The following AFMID variants were observed in gnomAD, a reference collection of about 807,000 sequenced individuals.
AFMID encodes the protein arylformamidase, also known as kynurenine formamidase.
Under a neutral mutation model 47.5 loss-of-function variants are expected in AFMID, and 39 were observed. The ratio of observed to expected loss-of-function variants is 0.82; its 90% CI spans 0.64 to 1.07. The LOEUF is 1.07. AFMID is among the 50% of genes least tolerant of loss of function. The pLI is 0.00. For missense variants in AFMID, 375 were observed against 387.5 expected (o/e 0.97, Z 0.27); for synonymous variants, 130 against 153.2 (o/e 0.85, Z 1.12).
chr17:78,199,657 G>GC (rs2076199040), intron 2 of AFMID, among the ~76,000 whole-genome samples: 1 of 135,410 alleles, frequency 7.4e-6, no homozygotes, highest in Admixed American at 7.3e-5. Flanking sequence ...GCAGGTGTGC[G>GC]CCGCCGCGCC....
intron 2 of AFMID, among the ~76,000 whole-genome samples, chr17:78,196,651 C>G (rs8066979): frequency 0.17 from 25,579 of 152,004 alleles, 3,755 homozygotes; most frequent in African/African-American, 0.37. Flanking sequence ...TGCACTCCAG[C>G]CTGGGCAACA....
At chr17:78,193,167 C>T (rs1045756082) in intron 2 of AFMID, among the ~76,000 whole-genome samples, 7 of 151,426 alleles carry the variant, frequency 4.6e-5, no homozygotes, top group Admixed American at 3.3e-4. Flanking sequence ...GTCAGGAGAT[C>T]GAGACCATCC....
intron 10 of AFMID, 109 bp downstream of exon 10, chr17:78,206,159 A>C: frequency 1.2e-6 from 1 of 860,636 alleles, no homozygotes; most frequent in Non-Finnish European, 1.9e-6. Flanking sequence ...AACATGGAGA[A>C]ACTCCGTGTC....
intron 9 of AFMID, 62 bp from the exon 10 acceptor site, chr17:78,205,884 A>C: frequency 6.3e-7 from 1 of 1,591,032 alleles, no homozygotes; most frequent in Admixed American, 1.7e-5. Flanking sequence ...GCATGGCCCC[A>C]TGTCCTGCCC....
chr17:78,192,973 G>T (rs549658818), intron 2 of AFMID, among the ~76,000 whole-genome samples: 6 of 152,098 alleles, frequency 3.9e-5, no homozygotes, highest in Non-Finnish European at 5.9e-5. Flanking sequence ...CAATAGATTG[G>T]GGGGGAGCTG....
chr17:78,189,832 T>G (rs960698949), intron 1 of AFMID, among the ~76,000 whole-genome samples: 11 of 136,438 alleles, frequency 8.1e-5, no homozygotes, highest in Non-Finnish European at 1.4e-4. Flanking sequence ...TTCTGTTGGT[T>G]TTTTTTTTTT....
rs1294175020 is a variant in AFMID, at chr17:78,205,673, G to A, written c.715G>A (p.Val239Met). The change falls in exon 9 of 11, where the codon GTG becomes ATG. Residue 239 changes from valine (V) to methionine (M), a missense_variant. Physicochemically the swap from Val to Met is conservative, Grantham distance 21. Coordinates refer to ENST00000409257, the MANE Select transcript of AFMID (RefSeq NM_001010982.5). ...ACAGCCGGTGGACCCCACCTGCCGT[G>A]TGCTGGTGGTCGTGGGCCAGTTCGA... ...QAQPVDPTCR[V>M]LVVVGQFDSP... 3.1e-6 allele frequency: 5 copies of A among 1,613,336 alleles called. 1 individual carries two copies. In the Admixed American group the frequency reaches 5.0e-5, roughly 16 times the overall value.
chr17:78,201,249 G>A (rs1249253972), intron 2 of AFMID, among the ~76,000 whole-genome samples: 2 of 144,238 alleles, frequency 1.4e-5, no homozygotes, highest in African/African-American at 5.0e-5. Flanking sequence ...AGCCAAGATG[G>A]CACCACTGCA....
chr17:78,197,625 G>A (rs1418181310), intron 2 of AFMID: 1 of 187,642 alleles, frequency 5.3e-6, no homozygotes. Context: ...ATGGATGTGA[G>A]CGTGTTATAA....
At chr17:78,192,809 T>G in intron 2 of AFMID, 1 of 337,602 alleles carries the variant, frequency 3.0e-6, no homozygotes, top group East Asian at 9.1e-5. Flanking sequence ...CAACCATGCT[T>G]GGCAAATTAG....
At chr17:78,189,833 T>G (rs1270738697) in intron 1 of AFMID, among the ~76,000 whole-genome samples, 1 of 147,048 alleles carries the variant, frequency 6.8e-6, no homozygotes, top group African/African-American at 2.5e-5. Context: ...TCTGTTGGTT[T>G]TTTTTTTTTT....
intron 1 of AFMID, 36 bp from the exon 2 acceptor site, chr17:78,190,934 G>A (rs756424979): frequency 1.3e-6 from 2 of 1,598,780 alleles, no homozygotes; most frequent in Admixed American, 1.7e-5. Flanking sequence ...TGTTGAGAAG[G>A]AAAGTCTTAC....
At chr17:78,199,762 C>G (rs2076202699) in intron 2 of AFMID, among the ~76,000 whole-genome samples, 1 of 152,212 alleles carries the variant, frequency 6.6e-6, no homozygotes, top group South Asian at 2.1e-4. Flanking sequence ...CACGTTAATA[C>G]ACGGAGCCCT....
intron 4 of AFMID, 180 bp downstream of exon 4, chr17:78,202,931 T>A (rs1461079478): frequency 1.4e-6 from 1 of 738,116 alleles, no homozygotes; most frequent in East Asian, 2.7e-5. Context: ...CTAGGGAGGG[T>A]CCTTCCTGCC....
intron 2 of AFMID, among the ~76,000 whole-genome samples, chr17:78,199,710 G>C (rs773650720): frequency 5.3e-5 from 8 of 152,142 alleles, no homozygotes; most frequent in Non-Finnish European, 7.4e-5. Flanking sequence ...GGCCACCAAG[G>C]CTGGGGACCA....
At chr17:78,187,602 C>T (rs558192561) in intron 1 of AFMID, among the ~76,000 whole-genome samples, 169 bp downstream of exon 1, 8 of 152,090 alleles carry the variant, frequency 5.3e-5, no homozygotes, top group African/African-American at 1.9e-4. Flanking sequence ...TGTATTTTAC[C>T]TTCTCCTAAG....
At chr17:78,193,319 C>A (rs983197949) in intron 2 of AFMID, among the ~76,000 whole-genome samples, 1 of 139,512 alleles carries the variant, frequency 7.2e-6, no homozygotes, top group Non-Finnish European at 1.5e-5. Context: ...TGCAGTGAGC[C>A]GGGATCGCGC....
intron 2 of AFMID, among the ~76,000 whole-genome samples, chr17:78,200,151 G>T (rs528336133): frequency 2.0e-5 from 3 of 151,918 alleles, no homozygotes; most frequent in South Asian, 2.1e-4. Context: ...TTTTGTTTTG[G>T]TTTGGTTTGG....
At chr17:78,197,148 T>G in intron 2 of AFMID, 1 of 1,550,314 alleles carries the variant, frequency 6.5e-7, no homozygotes, top group Non-Finnish European at 8.7e-7. Context: ...ATTTATAGGC[T>G]TGAGAACTCC....
Sources: gnomAD v4.1 joint callset for allele counts (sites outside exome capture counted in the v4.1 genomes callset) on GRCh38, gnomAD v4.1.1 for gene constraint, MANE v1.5 for transcripts, NCBI Gene and HGNC (gene_info 2026-07-23, HGNC 2026-07-21) for gene names.